Variants in ARHGAP31 observed in about 807,000 individuals in gnomAD.
ARHGAP31 encodes the protein rho GTPase-activating protein 31.
A neutral mutation model predicts 113.9 loss-of-function variants in ARHGAP31; 34 were observed. The ratio of observed to expected loss-of-function variants is 0.30; its 90% CI spans 0.23 to 0.40. ARHGAP31 has a LOEUF of 0.40. Ranked by LOEUF, ARHGAP31 falls within the 10% of genes least tolerant of loss-of-function variation. The probability of loss-of-function intolerance (pLI) is 1.00; values close to 1 mark genes in which losing one functional copy is unlikely to be tolerated. For missense variants in ARHGAP31, 1,548 were observed against 1,767.1 expected, an observed-to-expected ratio of 0.88 and a Z score of 2.22; for synonymous variants, 650 against 684.8, an observed-to-expected ratio of 0.95 and a Z score of 0.79.
chr3:119,325,669 G>A (rs551155783), intron 1 of ARHGAP31, among the ~76,000 whole-genome samples: 2 of 151,958 alleles, frequency 1.3e-5, no homozygotes, highest in African/African-American at 2.4e-5. Context: ...GGGGGGGAAG[G>A]GGGGGACGGA....
At chr3:119,342,835 A>G (rs1026128967) in intron 1 of ARHGAP31, among the ~76,000 whole-genome samples, 4 of 151,878 alleles carry the variant, frequency 2.6e-5, no homozygotes, top group Non-Finnish European at 4.4e-5. Flanking sequence ...TGTAATCCCC[A>G]CTACTCGGGA....
intron 3 of ARHGAP31, among the ~76,000 whole-genome samples, chr3:119,372,404 C>T (rs993938005): frequency 6.6e-6 from 1 of 151,608 alleles, no homozygotes; most frequent in Non-Finnish European, 1.5e-5. Context: ...CTGCCTCAGT[C>T]TCCTGAGTAG....
chr3:119,379,402 G>A (rs999169828), intron 3 of ARHGAP31, among the ~76,000 whole-genome samples: 1 of 152,146 alleles, frequency 6.6e-6, no homozygotes, highest in Admixed American at 6.5e-5. Flanking sequence ...AACTGAAGAT[G>A]CTGGTAAAGT....
intron 10 of ARHGAP31, 146 bp downstream of exon 10, chr3:119,402,543 T>C: frequency 1.2e-6 from 1 of 856,148 alleles, no homozygotes; most frequent in Middle Eastern, 3.3e-4. Context: ...TCTGCCATTT[T>C]ACTGCGTGAT....
chr3:119,373,475 G>T (rs999739921), intron 3 of ARHGAP31, among the ~76,000 whole-genome samples: 1 of 150,972 alleles, frequency 6.6e-6, no homozygotes, highest in Non-Finnish European at 1.5e-5. Flanking sequence ...TTGTTTGTTT[G>T]TTTTTTGAGA....
chr3:119,304,803 A>G (rs1372791850), intron 1 of ARHGAP31, among the ~76,000 whole-genome samples: 1 of 151,984 alleles, frequency 6.6e-6, no homozygotes, highest in Non-Finnish European at 1.5e-5. Context: ...GCTGAGGCGA[A>G]AGAATTGCTT....
chr3:119,414,176 C>G lies in ARHGAP31; in HGVS notation c.2247C>G (p.Leu749=). ...PEPEQGLHPD[L]ASLAPLEIVP... ...CTGAGCAGGGCCTGCACCCAGACCTCGCCAGCCTGGCTCCTCTGGAAATAG... is the reference window on the plus strand; with the variant it reads ...CTGAGCAGGGCCTGCACCCAGACCTGGCCAGCCTGGCTCCTCTGGAAATAG... The change falls in exon 12 of 12, where the codon CTC becomes CTG. Residue 749 remains leucine, a synonymous_variant. Transcript: ENST00000264245. 2.5e-6 allele frequency: 4 copies of G among 1,614,148 alleles called. No individual in the cohort carries two copies. Among genetic ancestry groups the G allele is most frequent in the Non-Finnish European group, 3.4e-6 (4 of 1,180,018 alleles).
chr3:119,388,709 AAAGAATAAAT>A (rs1030198586), intron 6 of ARHGAP31, among the ~76,000 whole-genome samples: 11 of 152,182 alleles, frequency 7.2e-5, no homozygotes, highest in Non-Finnish European at 1.6e-4. Context: ...GCATTAAGGA[AAAGAATAAAT>A]AAGAAATAAC....
chr3:119,301,511 A>G (rs1010189542), intron 1 of ARHGAP31, among the ~76,000 whole-genome samples: 1 of 152,164 alleles, frequency 6.6e-6, no homozygotes, highest in Non-Finnish European at 1.5e-5. Context: ...TCCTCCCCTT[A>G]GCCTGTTAGG....
chr3:119,415,827 A>C lies in ARHGAP31; in HGVS notation c.3898A>C (p.Thr1300Pro), dbSNP rs1229676140. The stretch of plus-strand genomic sequence containing the variant: ...ACCAGGCTCGTCTAACCTGCTCTCC[A>C]CCCAGGATGCAGTAGTGCAATGCAG... ...PEPGSSNLLS[T>P]QDAVVQCRKR... Residue 1300 changes from threonine (T) to proline (P), a missense_variant, in exon 12 of 12, where the codon ACC becomes CCC. Thr to Pro is a conservative substitution (Grantham distance 38). Coordinates refer to ENST00000264245, the MANE Select transcript of ARHGAP31 (RefSeq NM_020754.4). 1.9e-6 allele frequency: 3 copies of C among 1,614,152 alleles called. No individual in the cohort carries two copies. The highest frequency in any genetic ancestry group is 3.3e-5 in the Admixed American group (2 of 60,002).
At chr3:119,323,598 G>C (rs1365689787) in intron 1 of ARHGAP31, among the ~76,000 whole-genome samples, 1 of 152,010 alleles carries the variant, frequency 6.6e-6, no homozygotes, top group East Asian at 1.9e-4. Context: ...CATTGTTTCA[G>C]TTGCCTCACC....
intron 1 of ARHGAP31, among the ~76,000 whole-genome samples, chr3:119,315,959 T>C (rs2079726939): frequency 6.6e-6 from 1 of 152,174 alleles, no homozygotes; most frequent in Non-Finnish European, 1.5e-5. Flanking sequence ...TCCTATGAAG[T>C]CGTGAGGCAG....
rs959477107 is a variant in ARHGAP31, at chr3:119,365,247, A to G, written c.101-69A>G. ...CTTTGAAGGTACCTGGATTTTTAAAAGGATATCTTTAAAAGACAGGCAGAC... is the reference window on the plus strand; with the variant it reads ...CTTTGAAGGTACCTGGATTTTTAAAGGGATATCTTTAAAAGACAGGCAGAC... On this transcript the variant is annotated intron_variant, in intron 1 of 11. Transcript: ENST00000264245. 3.0e-6 allele frequency: 4 copies of G among 1,319,700 alleles called. No homozygotes were observed. The African/African-American group carries it at 4.4e-5, about 14-fold the overall frequency. The allele number at this position is 1,319,700 out of a possible 1,614,324, so 81.7% of individuals were successfully genotyped here.
Position 119,348,944 on chromosome 3 carries a change from C to A in ARHGAP31, c.101-16372C>A, listed in dbSNP as rs190803293. On this transcript the variant is annotated intron_variant, in intron 1 of 11. Transcript: ENST00000264245. ...AAGCAGGTTTGGATAATTGCAATAT[C>A]TGGCCTCTGAAATGAATGCTGGTTC... is the stretch of plus-strand genomic sequence containing the variant. 8.5e-5 allele frequency among the ~76,000 whole-genome samples: 13 copies of A among 152,266 alleles called. No individual in the cohort carries two copies. The East Asian group carries it at 2.5e-3, about 29-fold the overall frequency.
intron 1 of ARHGAP31, among the ~76,000 whole-genome samples, chr3:119,344,156 T>C (rs1278096570): frequency 1.3e-5 from 2 of 152,224 alleles, no homozygotes; most frequent in South Asian, 4.1e-4. Context: ...ACAAATCATG[T>C]TTTAATCTAT....
chr3:119,313,116 A>T (rs1326993820), intron 1 of ARHGAP31, among the ~76,000 whole-genome samples: 3 of 152,140 alleles, frequency 2.0e-5, no homozygotes, highest in African/African-American at 4.8e-5. Context: ...TGGTTTTTAA[A>T]GTGTTAATTA....
intron 1 of ARHGAP31, among the ~76,000 whole-genome samples, chr3:119,326,355 G>A (rs1321291895): frequency 6.6e-6 from 1 of 152,098 alleles, no homozygotes; most frequent in African/African-American, 2.4e-5. Flanking sequence ...AGCTGAGAAT[G>A]TGTCGTGCTA....
chr3:119,345,629 A>T (rs929051078), intron 1 of ARHGAP31, among the ~76,000 whole-genome samples: 4 of 152,148 alleles, frequency 2.6e-5, no homozygotes, highest in African/African-American at 7.2e-5. Flanking sequence ...AGCACCCAGT[A>T]CCCAAGCATA....
At chr3:119,318,372 T>C (rs908078902) in intron 1 of ARHGAP31, among the ~76,000 whole-genome samples, 1 of 152,204 alleles carries the variant, frequency 6.6e-6, no homozygotes, top group African/African-American at 2.4e-5. Flanking sequence ...TTTGAACTCT[T>C]GAAGGTATAA....
Sources: allele counts gnomAD v4.1 joint callset (sites outside exome capture counted in the v4.1 genomes callset), GRCh38; gene constraint gnomAD v4.1.1; transcripts MANE v1.5; gene names NCBI Gene and HGNC (gene_info 2026-07-23, HGNC 2026-07-21).